ROBO1: variants seen among roughly 807,000 people sequenced by gnomAD.
ROBO1 encodes the protein roundabout guidance receptor 1.
Under a neutral mutation model 195.9 loss-of-function variants are expected in ROBO1, and 149 were observed. The ratio of observed to expected loss-of-function variants is 0.76; its 90% CI spans 0.67 to 0.87. The LOEUF (loss-of-function observed/expected upper bound fraction) is 0.87. ROBO1 is among the 40% of genes least tolerant of loss of function. ROBO1 has a pLI of 0.00. For synonymous variants in ROBO1, 816 were observed against 733.2 expected, an observed-to-expected ratio of 1.11 and a Z score of -1.82; for missense variants, 1,933 against 2,068.3, an observed-to-expected ratio of 0.93 and a Z score of 1.27.
In ROBO1 at chr3:78,693,368, C is replaced by G. The variant is rs916357908; in HGVS notation, c.1046-4596G>C. On this transcript the variant is annotated intron_variant, in intron 8 of 30. Coordinates refer to ENST00000464233, the MANE Select transcript of ROBO1 (RefSeq NM_002941.4). ...CTTACCAGACCCAACTAAAACAAAA[C>G]AAAAAAAGAAAACATGGAATAAATA... The G allele has an allele frequency of 3.9e-6, 6 of 1,525,880 alleles. No homozygotes were observed. The African/African-American group carries it at 8.4e-5, about 21-fold the overall frequency. The allele number at this position is 1,525,880 out of a possible 1,614,324, so 94.5% of individuals were successfully genotyped here. A position where few individuals can be genotyped will look rare whatever the true frequency, so the allele number is the denominator to read the frequency against.
At chr3:79,363,671 C>T (rs1026261772) in intron 2 of ROBO1, among the ~76,000 whole-genome samples, 1 of 152,158 alleles carries the variant, frequency 6.6e-6, no homozygotes, top group African/African-American at 2.4e-5. Context: ...CACAGGCATT[C>T]ACATGCACAC....
intron 4 of ROBO1, among the ~76,000 whole-genome samples, chr3:78,821,654 C>T (rs1019963887): frequency 6.6e-6 from 1 of 152,252 alleles, no homozygotes; most frequent in East Asian, 1.9e-4. Flanking sequence ...ATAATAATAA[C>T]ATGCCCCACC....
chr3:79,116,500 T>C (rs1225668602), intron 3 of ROBO1, among the ~76,000 whole-genome samples: 1 of 149,474 alleles, frequency 6.7e-6, no homozygotes, highest in African/African-American at 2.5e-5. Context: ...CTCTCTCTCT[T>C]TCTTTCTTTT....
chr3:79,240,511 T>G (rs1309381511), intron 2 of ROBO1, among the ~76,000 whole-genome samples: 1 of 152,198 alleles, frequency 6.6e-6, no homozygotes, highest in African/African-American at 2.4e-5. Context: ...GCCTTAAATT[T>G]TATCTGTTTT....
intron 1 of ROBO1, among the ~76,000 whole-genome samples, chr3:79,706,093 T>A (rs948661592): frequency 6.6e-6 from 1 of 152,110 alleles, no homozygotes; most frequent in African/African-American, 2.4e-5. Context: ...TAGACAAACA[T>A]GTCTGTCATC....
chr3:78,914,272 C>T (rs1423790690), intron 4 of ROBO1, among the ~76,000 whole-genome samples: 1 of 151,942 alleles, frequency 6.6e-6, no homozygotes, highest in East Asian at 1.9e-4. Flanking sequence ...CATATTGCAT[C>T]AAAAATGGAA....
At chr3:78,830,688 C>T (rs537197048) in intron 4 of ROBO1, among the ~76,000 whole-genome samples, 3 of 152,232 alleles carry the variant, frequency 2.0e-5, no homozygotes, top group South Asian at 2.1e-4. Context: ...CTCCCTCCCA[C>T]GACATGTGGG....
At chr3:79,347,267 C>G (rs1424806885) in intron 2 of ROBO1, among the ~76,000 whole-genome samples, 1 of 152,112 alleles carries the variant, frequency 6.6e-6, no homozygotes, top group East Asian at 1.9e-4. Context: ...AGCCATAATG[C>G]TATTTCCTCT....
chr3:79,585,063 T>C (rs1288944704), intron 2 of ROBO1, among the ~76,000 whole-genome samples: 2 of 149,186 alleles, frequency 1.3e-5, no homozygotes, highest in African/African-American at 5.2e-5. Flanking sequence ...GTAGTGACTA[T>C]TGTTTTTAGC....
intron 2 of ROBO1, among the ~76,000 whole-genome samples, chr3:79,487,248 C>T (rs1017013527): frequency 1.1e-5 from 1 of 93,642 alleles, no homozygotes; most frequent in Non-Finnish European, 2.3e-5. Context: ...ATAGAGGTCC[C>T]ACCTGAGAAA....
intron 28 of ROBO1, among the ~76,000 whole-genome samples, chr3:78,612,380 T>A (rs1251747197): frequency 6.6e-6 from 1 of 152,202 alleles, no homozygotes; most frequent in Non-Finnish European, 1.5e-5. Context: ...TTCTCTTTTT[T>A]AATAAATTGT....
At chr3:79,222,098 AATTC>A (rs2082149569) in intron 2 of ROBO1, among the ~76,000 whole-genome samples, 3 of 152,064 alleles carry the variant, frequency 2.0e-5, no homozygotes, top group Non-Finnish European at 2.9e-5. Context: ...ACAGATTTGT[AATTC>A]TTCACTATAC....
chr3:78,686,934 T>C (rs1360208314), intron 9 of ROBO1, among the ~76,000 whole-genome samples: 1 of 152,136 alleles, frequency 6.6e-6, no homozygotes, highest in East Asian at 1.9e-4. Context: ...AAAAAATAGA[T>C]CATGTTATTG....
intron 2 of ROBO1, among the ~76,000 whole-genome samples, chr3:79,287,233 T>C (rs913143471): frequency 5.9e-5 from 9 of 152,142 alleles, no homozygotes; most frequent in African/African-American, 2.2e-4. Context: ...GTAGTTTTGC[T>C]CTTCATTTTG....
Position 79,503,227 on chromosome 3 carries a change from G to A in ROBO1, c.88+86597C>T, listed in dbSNP as rs563468929. On this transcript the variant is annotated intron_variant, in intron 2 of 30. Coordinates refer to ENST00000464233, the MANE Select transcript of ROBO1 (RefSeq NM_002941.4). ...CCAGGAGGAATGAACAACTGCAGAC[G>A]CCCCACCTTAAGAGCTGTAACACTC... Among the ~76,000 whole-genome samples the A allele has an allele frequency of 1.2e-4, 19 of 152,120 alleles. No individual in the cohort carries two copies. The South Asian group carries it at 3.1e-3, about 25-fold the overall frequency.
At chr3:79,210,808 T>A (rs1010638119) in intron 2 of ROBO1, among the ~76,000 whole-genome samples, 1 of 152,110 alleles carries the variant, frequency 6.6e-6, no homozygotes, top group African/African-American at 2.4e-5. Context: ...TTGTTGAAAA[T>A]GAATTATTTC....
At chr3:79,764,539 C>T (rs746559623) in intron 1 of ROBO1, among the ~76,000 whole-genome samples, 7 of 152,192 alleles carry the variant, frequency 4.6e-5, no homozygotes, top group Non-Finnish European at 1.0e-4. Flanking sequence ...CTGCCAGGGG[C>T]TTACTTTACT....
chr3:78,607,461 C>T (rs1703535194), intron 28 of ROBO1, among the ~76,000 whole-genome samples: 1 of 152,156 alleles, frequency 6.6e-6, no homozygotes, highest in African/African-American at 2.4e-5. Flanking sequence ...GATCTGTCCA[C>T]CTTGGCTTCC....
intron 4 of ROBO1, among the ~76,000 whole-genome samples, chr3:78,762,849 CA>C (rs1262391940): frequency 6.6e-6 from 1 of 150,934 alleles, no homozygotes. Flanking sequence ...ACAAAAGAAA[CA>C]AAAAAAAGGC....
Sources: gnomAD v4.1 joint callset for allele counts (sites outside exome capture counted in the v4.1 genomes callset) on GRCh38, gnomAD v4.1.1 for gene constraint, MANE v1.5 for transcripts, NCBI Gene and HGNC (gene_info 2026-07-23, HGNC 2026-07-21) for gene names.